FSTL5: variants seen among roughly 807,000 people sequenced by gnomAD.
FSTL5 encodes the protein follistatin-related protein 5.
Under a neutral mutation model 89.1 loss-of-function variants are expected in FSTL5, and 62 were observed. The observed-to-expected ratio is 0.70, with a 90% CI of 0.57 to 0.86. The LOEUF (loss-of-function observed/expected upper bound fraction) is 0.86. Among genes scored for constraint, FSTL5 ranks in the 40% least tolerant of loss-of-function variants. The probability of loss-of-function intolerance (pLI) is 0.00; values close to 1 mark genes in which losing one functional copy is unlikely to be tolerated. For missense variants in FSTL5, 1,057 were observed against 1,001.6 expected (o/e 1.06, Z -0.75); for synonymous variants, 383 against 346.2 (o/e 1.11, Z -1.18).
intron 6 of FSTL5, among the ~76,000 whole-genome samples, chr4:161,679,581 A>C (rs543450434): frequency 6.6e-6 from 1 of 151,902 alleles, no homozygotes; most frequent in Non-Finnish European, 1.5e-5. Flanking sequence ...AGTAGAATAC[A>C]AGTATAGAAA....
At chr4:162,089,654 A>G (rs1203119299) in intron 2 of FSTL5, among the ~76,000 whole-genome samples, 2 of 127,256 alleles carry the variant, frequency 1.6e-5, no homozygotes, top group Non-Finnish European at 3.6e-5. Flanking sequence ...AAAAAAAGAA[A>G]AAAAAGAAAG....
At chr4:161,843,005 ATT>A (rs1469374541) in intron 4 of FSTL5, among the ~76,000 whole-genome samples, 1 of 152,116 alleles carries the variant, frequency 6.6e-6, no homozygotes, top group Non-Finnish European at 1.5e-5. Context: ...GTGATTTAGT[ATT>A]TCTTTCTAAA....
chr4:161,485,185 G>A (rs976101125), intron 12 of FSTL5, among the ~76,000 whole-genome samples: 1 of 152,168 alleles, frequency 6.6e-6, no homozygotes, highest in Non-Finnish European at 1.5e-5. Flanking sequence ...CAGAAAAAAA[G>A]TGTTGCTGAT....
At chr4:162,022,244 T>G (rs1737116225) in intron 3 of FSTL5, among the ~76,000 whole-genome samples, 1 of 152,030 alleles carries the variant, frequency 6.6e-6, no homozygotes, top group South Asian at 2.1e-4. Context: ...AAACAAGTAA[T>G]TAAAAAACCA....
intron 3 of FSTL5, among the ~76,000 whole-genome samples, chr4:161,965,350 C>T (rs1735293017): frequency 6.6e-6 from 1 of 152,026 alleles, no homozygotes; most frequent in South Asian, 2.1e-4. Flanking sequence ...GGAAGAAGCC[C>T]AAGACAGGCT....
At chr4:161,524,673 C>T (rs150480604) in intron 10 of FSTL5, among the ~76,000 whole-genome samples, 321 of 152,138 alleles carry the variant, frequency 2.1e-3, no homozygotes, top group African/African-American at 7.3e-3. Context: ...TATTAATATT[C>T]GCTGGCCTGG....
chr4:162,028,378 A>G (rs1002793698), intron 3 of FSTL5, among the ~76,000 whole-genome samples: 1 of 152,148 alleles, frequency 6.6e-6, no homozygotes, highest in African/African-American at 2.4e-5. Flanking sequence ...GGAGTTCGAG[A>G]CCATCCTGGC....
chr4:162,104,955 G>C (rs996795231), intron 2 of FSTL5, among the ~76,000 whole-genome samples: 5 of 152,108 alleles, frequency 3.3e-5, no homozygotes, highest in Admixed American at 2.6e-4. Context: ...TTATAATACA[G>C]AGTTCCTTTC....
At chr4:161,740,833 C>A (rs1293555005) in intron 6 of FSTL5, among the ~76,000 whole-genome samples, 1 of 152,126 alleles carries the variant, frequency 6.6e-6, no homozygotes. Flanking sequence ...AGCTTATAAA[C>A]AACAGAAATT....
At chr4:161,810,978 T>A (rs759069030) in intron 4 of FSTL5, among the ~76,000 whole-genome samples, 5 of 152,176 alleles carry the variant, frequency 3.3e-5, no homozygotes, top group Non-Finnish European at 7.4e-5. Flanking sequence ...TCGCCTTAAA[T>A]GTTTCACATG....
intron 2 of FSTL5, among the ~76,000 whole-genome samples, chr4:162,073,483 A>G (rs1423795708): frequency 6.6e-6 from 1 of 151,836 alleles, no homozygotes; most frequent in Non-Finnish European, 1.5e-5. Flanking sequence ...ATTTTGTGAT[A>G]TACCTTTAAT....
chr4:161,904,696 AT>A (rs1319083343), intron 4 of FSTL5, among the ~76,000 whole-genome samples: 1 of 151,822 alleles, frequency 6.6e-6, no homozygotes, highest in Non-Finnish European at 1.5e-5. Context: ...AAAGAAAAAA[AT>A]ATTAAAATTA....
chr4:161,419,726 CTA>C (rs1396261508), intron 15 of FSTL5, among the ~76,000 whole-genome samples: 1 of 152,212 alleles, frequency 6.6e-6, no homozygotes, highest in Non-Finnish European at 1.5e-5. Context: ...CATCTCCTAA[CTA>C]TAAAGATGAG....
At chr4:161,982,438 C>A (rs1479278339) in intron 3 of FSTL5, among the ~76,000 whole-genome samples, 1 of 152,154 alleles carries the variant, frequency 6.6e-6, no homozygotes, top group African/African-American at 2.4e-5. Flanking sequence ...TGACATTTTT[C>A]TTAAACATAT....
At chr4:161,780,582 G>C (rs1400516756) in intron 4 of FSTL5, among the ~76,000 whole-genome samples, 1 of 152,120 alleles carries the variant, frequency 6.6e-6, no homozygotes, top group Non-Finnish European at 1.5e-5. Flanking sequence ...GCGTCACTAG[G>C]GCTGTGCTGA....
intron 14 of FSTL5, among the ~76,000 whole-genome samples, chr4:161,456,165 T>A (rs1272449214): frequency 6.6e-6 from 1 of 152,194 alleles, no homozygotes; most frequent in African/African-American, 2.4e-5. Flanking sequence ...AATATTTTAT[T>A]CTCTAATTAT....
chr4:161,738,387 C>T (rs1212060476), intron 6 of FSTL5, among the ~76,000 whole-genome samples: 2 of 151,890 alleles, frequency 1.3e-5, no homozygotes, highest in African/African-American at 4.8e-5. Flanking sequence ...AATATCTCAT[C>T]CTATAATTAG....
At chr4:161,751,902 G>A (rs1740404490) in intron 6 of FSTL5, among the ~76,000 whole-genome samples, 1 of 152,092 alleles carries the variant, frequency 6.6e-6, no homozygotes. Context: ...TTGCTGCAAG[G>A]TTTCATATTA....
At chr4:161,986,543 C>T (rs573808613) in intron 3 of FSTL5, among the ~76,000 whole-genome samples, 1 of 152,260 alleles carries the variant, frequency 6.6e-6, no homozygotes, top group South Asian at 2.1e-4. Context: ...CAAAGCAAAA[C>T]TCTGTCTCAA....
Sources: allele counts gnomAD v4.1 joint callset (sites outside exome capture counted in the v4.1 genomes callset), GRCh38; gene constraint gnomAD v4.1.1; transcripts MANE v1.5; gene names NCBI Gene and HGNC (gene_info 2026-07-23, HGNC 2026-07-21).